The following DZANK1 variants were observed in gnomAD, a reference collection of about 807,000 sequenced individuals.
DZANK1 encodes double zinc ribbon and ankyrin repeat domains 1.
In DZANK1, 91 loss-of-function variants were observed where a neutral mutation model predicts 94.5. That is an observed-to-expected ratio of 0.96 (90% CI 0.81 to 1.15). The LOEUF is 1.15. Among genes scored for constraint, DZANK1 ranks in the 50% most tolerant of loss-of-function variants. DZANK1 has a pLI of 0.00. For synonymous variants in DZANK1, 312 were observed against 325.3 expected (o/e 0.96, Z 0.44); for missense variants, 903 against 916.4 (o/e 0.99, Z 0.19).
At position 18,414,313 on chromosome 20, in the gene DZANK1, C is replaced by T; in HGVS notation, c.1242+35G>A. ...ACACATTCAGAGTTACAGCCTCTTCCTGGGTACCAGTTCTTACTACAGGGG... is the reference window on the plus strand; with the variant it reads ...ACACATTCAGAGTTACAGCCTCTTCTTGGGTACCAGTTCTTACTACAGGGG... On this transcript the variant is annotated intron_variant, in intron 12 of 20. Transcript: ENST00000262547. 2.5e-6 allele frequency: 4 copies of T among 1,609,102 alleles called. No homozygotes were observed. In the South Asian group the frequency reaches 4.4e-5, roughly 18 times the overall value.
At chr20:18,440,849 C>T (rs2148672155) in intron 8 of DZANK1, among the ~76,000 whole-genome samples, 1 of 152,272 alleles carries the variant, frequency 6.6e-6, no homozygotes, top group Middle Eastern at 3.4e-3. Flanking sequence ...TTTCAGGGTC[C>T]CATCCTTTCT....
chr20:18,446,926 C>CA (rs904267378), intron 7 of DZANK1, among the ~76,000 whole-genome samples: 1 of 151,718 alleles, frequency 6.6e-6, no homozygotes, highest in African/African-American at 2.4e-5. Flanking sequence ...CAAATGCTGG[C>CA]AAAAAAAATT....
chr20:18,452,597 A>G lies in DZANK1; in HGVS notation c.543+18T>C, dbSNP rs2059141750. On this transcript the variant is annotated intron_variant, in intron 6 of 20. Transcript: ENST00000262547. ...TAGGAGGTATTTGAATACCCTAAAGATTGTCCTTAGAAGTTACCTGGGACT... is the reference window on the plus strand; with the variant it reads ...TAGGAGGTATTTGAATACCCTAAAGGTTGTCCTTAGAAGTTACCTGGGACT... The G allele has an allele frequency of 1.3e-6, 2 of 1,594,670 alleles. No homozygotes were observed. Among genetic ancestry groups the G allele is most frequent in the Non-Finnish European group, 1.7e-6 (2 of 1,172,904 alleles).
chr20:18,465,153 G>A (rs1054531838), intron 2 of DZANK1, 97 bp downstream of exon 2: 6 of 785,210 alleles, frequency 7.6e-6, no homozygotes, highest in South Asian at 1.9e-5. Context: ...GCTGAGCAAA[G>A]AGTGAGAAAG....
At chr20:18,443,347 C>G in exon 8 of DZANK1, 1 of 1,535,356 alleles carries the variant, frequency 6.5e-7, no homozygotes, top group Non-Finnish European at 8.8e-7. Flanking sequence ...TGCTGCTCAC[C>G]TGAGCTCCTT....
chr20:18,453,369 C>T (rs2059172132), intron 5 of DZANK1, among the ~76,000 whole-genome samples: 1 of 152,148 alleles, frequency 6.6e-6, no homozygotes, highest in Admixed American at 6.5e-5. Flanking sequence ...GATGCTGATC[C>T]CTTCACACCC....
Position 18,422,250 on chromosome 20 carries a change from T to TCTGCATGAATATATATCCAGTAAA in DZANK1, c.954+4816_954+4817insTTTACTGGATATATATTCATGCAG, listed in dbSNP as rs1282246784. Among the ~76,000 whole-genome samples, 5 of 152,242 alleles carry TCTGCATGAATATATATCCAGTAAA rather than the reference T, an allele frequency of 3.3e-5. No homozygotes were observed. The East Asian group carries it at 9.6e-4, about 29-fold the overall frequency. On this transcript the variant is annotated intron_variant, in intron 10 of 20. Coordinates refer to ENST00000262547, the Ensembl canonical transcript of DZANK1. Reference sequence around the variant, plus strand: ...TGAGATAAGGATCTAATTTCATGCTTCTGCATGTAAATATCCAGTTTTTCC... The same window carrying TCTGCATGAATATATATCCAGTAAA: ...TGAGATAAGGATCTAATTTCATGCTTCTGCATGAATATATATCCAGTAAACTGCATGTAAATATCCAGTTTTTCC...
At chr20:18,394,547 G>A (rs1055986346) in intron 15 of DZANK1, 197 bp from the exon 16 acceptor site, 19 of 690,686 alleles carry the variant, frequency 2.8e-5, no homozygotes, top group African/African-American at 1.6e-4. Context: ...CCCCTTACCC[G>A]CGGCTCAGTC....
exon 7 of DZANK1, chr20:18,449,005 T>C: frequency 1.2e-6 from 2 of 1,613,926 alleles, no homozygotes; most frequent in Non-Finnish European, 1.7e-6. Context: ...TGTCTCCCTT[T>C]GAATTCTCAT....
At chr20:18,433,898 CAGGT>C in intron 8 of DZANK1, 133 bp from the exon 9 acceptor site, 1 of 739,378 alleles carries the variant, frequency 1.4e-6, no homozygotes, top group Non-Finnish European at 2.2e-6. Context: ...AAAACCTAGG[CAGGT>C]CGGGCTTGGT....
chr20:18,444,413 G>C (rs532050275), intron 7 of DZANK1, among the ~76,000 whole-genome samples: 1 of 152,214 alleles, frequency 6.6e-6, no homozygotes, highest in Admixed American at 6.5e-5. Flanking sequence ...GGGAGTCTCA[G>C]AAGGTCAAGG....
chr20:18,383,880 A>C (rs1020004832), exon 21 of DZANK1: 3 of 152,274 alleles, frequency 2.0e-5, no homozygotes, highest in African/African-American at 7.2e-5. Flanking sequence ...TAAACCATTA[A>C]AAAACATACA....
exon 16 of DZANK1, chr20:18,394,279 C>CCCCCCATCA: frequency 6.2e-7 from 1 of 1,613,542 alleles, no homozygotes; most frequent in African/African-American, 1.3e-5. Context: ...TGCCGCACAG[C>CCCCCCATCA]CCCCCATCAC....
chr20:18,413,067 A>C (rs1203325989), intron 12 of DZANK1: 2 of 587,832 alleles, frequency 3.4e-6, no homozygotes, highest in East Asian at 5.6e-5. Context: ...TTATTATCTA[A>C]AAGTCAGCAA....
intron 9 of DZANK1, among the ~76,000 whole-genome samples, chr20:18,428,435 C>A (rs2058147591): frequency 6.6e-6 from 1 of 152,064 alleles, no homozygotes; most frequent in Non-Finnish European, 1.5e-5. Flanking sequence ...GATCTGCCCA[C>A]CTCAGGCTCC....
intron 14 of DZANK1, 102 bp downstream of exon 14, chr20:18,398,421 G>A: frequency 9.8e-7 from 1 of 1,017,740 alleles, no homozygotes; most frequent in East Asian, 2.4e-5. Context: ...AGCAGGAAAG[G>A]GAAAGGAGCC....
chr20:18,435,697 CA>C (rs1413806520), intron 8 of DZANK1, among the ~76,000 whole-genome samples: 2 of 151,464 alleles, frequency 1.3e-5, no homozygotes, highest in Non-Finnish European at 2.9e-5. Context: ...ACCACCATGG[CA>C]CATGTACACC....
chr20:18,394,546 C>T (rs796823219), intron 15 of DZANK1, 196 bp from the exon 16 acceptor site: 22 of 689,242 alleles, frequency 3.2e-5, no homozygotes, highest in African/African-American at 3.1e-4. Context: ...GCCCCTTACC[C>T]GCGGCTCAGT....
At chr20:18,461,063 G>A (rs577105695) in intron 2 of DZANK1, among the ~76,000 whole-genome samples, 32 of 152,262 alleles carry the variant, frequency 2.1e-4, no homozygotes, top group African/African-American at 7.7e-4. Context: ...CTCCAACAGG[G>A]CACTGACACA....
Sources: gnomAD v4.1 joint callset for allele counts (sites outside exome capture counted in the v4.1 genomes callset) on GRCh38, gnomAD v4.1.1 for gene constraint, MANE v1.5 for transcripts, NCBI Gene and HGNC (gene_info 2026-07-23, HGNC 2026-07-21) for gene names.